CLEC16A: variants seen among roughly 807,000 people sequenced by gnomAD.
The protein encoded by CLEC16A is C-type lectin domain containing 16A.
Under a neutral mutation model 109.5 loss-of-function variants are expected in CLEC16A, and 51 were observed. That is an observed-to-expected ratio of 0.47 (90% CI 0.37 to 0.59). The LOEUF (loss-of-function observed/expected upper bound fraction) is 0.59. CLEC16A is among the 20% of genes least tolerant of loss of function. The pLI, the probability that CLEC16A is intolerant of heterozygous loss-of-function variation, is 0.00. For synonymous variants in CLEC16A, 673 were observed against 564.2 expected, an observed-to-expected ratio of 1.19 and a Z score of -2.73; for missense variants, 1,339 against 1,394.0, an observed-to-expected ratio of 0.96 and a Z score of 0.63.
intron 19 of CLEC16A, among the ~76,000 whole-genome samples, chr16:11,069,080 G>T (rs1266914533): frequency 6.7e-6 from 1 of 150,018 alleles, no homozygotes; most frequent in African/African-American, 2.5e-5. Context: ...TAGTCCGCCT[G>T]CCTTGGTATC....
At chr16:11,102,828 C>T (rs2050998252) in intron 19 of CLEC16A, among the ~76,000 whole-genome samples, 1 of 152,250 alleles carries the variant, frequency 6.6e-6, no homozygotes. Context: ...ACCTTACAAA[C>T]ATCATTGAGT....
chr16:11,055,575 C>CTGTTTTT (rs2048169533), intron 18 of CLEC16A, among the ~76,000 whole-genome samples: 1 of 41,756 alleles, frequency 2.4e-5, no homozygotes, highest in African/African-American at 1.1e-4. Context: ...TTCCCTCTTG[C>CTGTTTTT]TTTTTTTTTT....
intron 22 of CLEC16A, among the ~76,000 whole-genome samples, chr16:11,128,124 T>C (rs2052955561): frequency 6.6e-6 from 1 of 152,174 alleles, no homozygotes; most frequent in East Asian, 1.9e-4. Context: ...CGTCTTTCAG[T>C]TTCGGAACTT....
At chr16:10,979,076 G>T (rs79614039) in intron 8 of CLEC16A, among the ~76,000 whole-genome samples, 1 of 152,116 alleles carries the variant, frequency 6.6e-6, no homozygotes, top group African/African-American at 2.4e-5. Flanking sequence ...GTTCTCGTGG[G>T]TCAGCCTCTC....
intron 1 of CLEC16A, among the ~76,000 whole-genome samples, chr16:10,955,193 G>A (rs2041929888): frequency 6.6e-6 from 1 of 152,248 alleles, no homozygotes; most frequent in African/African-American, 2.4e-5. Flanking sequence ...GCTCTGTGCT[G>A]TCACTTGCCG....
chr16:11,114,777 A>G (rs1180229683), intron 19 of CLEC16A, among the ~76,000 whole-genome samples: 1 of 152,096 alleles, frequency 6.6e-6, no homozygotes, highest in Non-Finnish European at 1.5e-5. Context: ...GGACCCACAA[A>G]GGAGTCACCC....
intron 22 of CLEC16A, among the ~76,000 whole-genome samples, chr16:11,135,280 C>T (rs939935718): frequency 1.3e-5 from 2 of 152,198 alleles, no homozygotes; most frequent in African/African-American, 2.4e-5. Flanking sequence ...GGCTCCAGAG[C>T]AGCTGTGGAG....
chr16:10,950,889 A>T (rs188078277), intron 1 of CLEC16A, among the ~76,000 whole-genome samples: 206 of 152,314 alleles, frequency 1.4e-3, no homozygotes, highest in Non-Finnish European at 2.1e-3. Context: ...CCACCTTGCA[A>T]ATGTACATTT....
chr16:11,027,276 C>T (rs1228417097), intron 13 of CLEC16A: 2 of 1,545,970 alleles, frequency 1.3e-6, no homozygotes, highest in South Asian at 2.2e-5. Flanking sequence ...GCCAGATAAA[C>T]ATTCCTTGGC....
In CLEC16A at chr16:11,025,010, G is replaced by A; in HGVS notation, c.1537+89G>A. The A allele has an allele frequency of 3.1e-6, 3 of 967,426 alleles. No homozygotes were observed. The South Asian group carries it at 4.2e-5, about 14-fold the overall frequency. The allele number at this position is 967,426 out of a possible 1,614,324, so 59.9% of individuals were successfully genotyped here. On this transcript the variant is annotated intron_variant, in intron 13 of 23. Coordinates refer to ENST00000409790, the MANE Select transcript of CLEC16A (RefSeq NM_015226.3). Reference sequence around the variant, plus strand: ...TCTGCTGCATGGAGGACAAAGAAAGGTGCTTTCTGTACAGAATTTCCTTTC... The same window carrying A: ...TCTGCTGCATGGAGGACAAAGAAAGATGCTTTCTGTACAGAATTTCCTTTC...
intron 18 of CLEC16A, among the ~76,000 whole-genome samples, chr16:11,054,025 G>A (rs148284062): frequency 4.6e-5 from 7 of 152,372 alleles, no homozygotes; most frequent in Non-Finnish European, 8.8e-5. Flanking sequence ...GGGAGGCATA[G>A]GCCCAGAGAC....
intron 5 of CLEC16A, among the ~76,000 whole-genome samples, chr16:10,972,159 G>A (rs182285077): frequency 2.2e-4 from 33 of 152,342 alleles, no homozygotes; most frequent in Non-Finnish European, 3.7e-4. Context: ...TAAAAATTGG[G>A]AGATCTTCCA....
At chr16:11,112,832 A>G (rs900243879) in intron 19 of CLEC16A, among the ~76,000 whole-genome samples, 3 of 152,210 alleles carry the variant, frequency 2.0e-5, no homozygotes, top group Admixed American at 6.5e-5. Context: ...CCTGGGTAAG[A>G]TGGAGACATC....
intron 23 of CLEC16A, among the ~76,000 whole-genome samples, chr16:11,171,364 G>C (rs921768450): frequency 1.3e-5 from 2 of 152,200 alleles, no homozygotes; most frequent in African/African-American, 2.4e-5. Context: ...GCTGGCCCCA[G>C]ACCAAAGGGA....
chr16:11,177,047 C>A (rs3960630), intron 23 of CLEC16A, among the ~76,000 whole-genome samples: 37,560 of 152,104 alleles, frequency 0.25, 4,811 homozygotes, highest in African/African-American at 0.3. Context: ...ACCATGCTTC[C>A]CGGGTCCCAG....
chr16:11,020,352 G>A, intron 12 of CLEC16A, 27 bp downstream of exon 12: 2 of 1,585,522 alleles, frequency 1.3e-6, no homozygotes, highest in Admixed American at 1.8e-5. Context: ...TCGATGCTGA[G>A]TGCTCTCTCA....
intron 21 of CLEC16A, among the ~76,000 whole-genome samples, chr16:11,124,847 G>T (rs557599312): frequency 1.3e-3 from 194 of 152,292 alleles, no homozygotes; most frequent in Middle Eastern, 3.4e-3. Context: ...AGCACTTCGG[G>T]AGGCCAAGGC....
At chr16:10,978,273 G>GC (rs1270870997) in intron 8 of CLEC16A, among the ~76,000 whole-genome samples, 2 of 152,154 alleles carry the variant, frequency 1.3e-5, no homozygotes, top group African/African-American at 4.8e-5. Flanking sequence ...GGTTCTCAGG[G>GC]CCCCCCTGTG....
intron 14 of CLEC16A, chr16:11,040,561 G>A (rs1057500739): frequency 2.3e-5 from 3 of 128,718 alleles, no homozygotes; most frequent in African/African-American, 6.4e-5. Flanking sequence ...CACCTGGGCT[G>A]GAGTGTAATG....
Sources: gnomAD v4.1 joint callset for allele counts (sites outside exome capture counted in the v4.1 genomes callset) on GRCh38, gnomAD v4.1.1 for gene constraint, MANE v1.5 for transcripts, NCBI Gene and HGNC (gene_info 2026-07-23, HGNC 2026-07-21) for gene names.